ESRRG: variants seen among roughly 807,000 people sequenced by gnomAD.
The protein encoded by ESRRG is estrogen related receptor gamma.
A neutral mutation model predicts 44.0 loss-of-function variants in ESRRG; 13 were observed. The observed-to-expected ratio is 0.30, with a 90% CI of 0.19 to 0.47. The LOEUF is 0.47. ESRRG is among the 20% of genes least tolerant of loss of function. The pLI, the probability that ESRRG is intolerant of heterozygous loss-of-function variation, is 1.00. For missense variants in ESRRG, 395 were observed against 580.6 expected (o/e 0.68, Z 3.29); for synonymous variants, 215 against 214.6 (o/e 1.00, Z -0.02).
intron 2 of ESRRG, among the ~76,000 whole-genome samples, chr1:216,760,240 A>AT (rs550980068): frequency 7.0e-4 from 97 of 138,344 alleles, no homozygotes; most frequent in African/African-American, 2.7e-3. Context: ...CTTAGAATAA[A>AT]TTTTTTTTCT....
At chr1:217,064,003 C>T (rs1288049957) in intron 1 of ESRRG, among the ~76,000 whole-genome samples, 1 of 151,986 alleles carries the variant, frequency 6.6e-6, no homozygotes, top group African/African-American at 2.4e-5. Context: ...CATATAAACA[C>T]ACACAATAAA....
At chr1:216,546,126 T>C (rs528357909) in intron 5 of ESRRG, among the ~76,000 whole-genome samples, 213 of 152,168 alleles carry the variant, frequency 1.4e-3, no homozygotes, top group Non-Finnish European at 2.4e-3. Context: ...GATTGTCCTG[T>C]GCGAGGTAGG....
intron 2 of ESRRG, among the ~76,000 whole-genome samples, chr1:216,821,623 T>G (rs2148617769): frequency 6.8e-6 from 1 of 148,070 alleles, no homozygotes; most frequent in Non-Finnish European, 1.5e-5. Flanking sequence ...AGTTTGAGGT[T>G]GGAATGAGCC....
At chr1:217,132,564 T>A (rs755426986) in intron 1 of ESRRG, among the ~76,000 whole-genome samples, 31 of 152,194 alleles carry the variant, frequency 2.0e-4, no homozygotes, top group Non-Finnish European at 3.7e-4. Flanking sequence ...ATTTAGGAAC[T>A]GTCAAGAGAT....
chr1:217,001,373 A>G (rs1277930083), intron 1 of ESRRG, among the ~76,000 whole-genome samples: 2 of 152,204 alleles, frequency 1.3e-5, no homozygotes, highest in Non-Finnish European at 2.9e-5. Context: ...CACGTGGATG[A>G]TACCAAACTG....
intron 2 of ESRRG, among the ~76,000 whole-genome samples, chr1:216,872,962 A>G (rs1046183635): frequency 6.6e-6 from 1 of 152,134 alleles, no homozygotes; most frequent in African/African-American, 2.4e-5. Flanking sequence ...TTACCAACCA[A>G]TCAAATTGAT....
chr1:216,881,162 G>GT (rs2096440940), intron 2 of ESRRG, among the ~76,000 whole-genome samples: 1 of 152,108 alleles, frequency 6.6e-6, no homozygotes, highest in South Asian at 2.1e-4. Context: ...AAATATTGGA[G>GT]TGAACCAGTT....
At chr1:216,801,452 G>C (rs1384695907) in intron 2 of ESRRG, among the ~76,000 whole-genome samples, 1 of 152,036 alleles carries the variant, frequency 6.6e-6, no homozygotes, top group Non-Finnish European at 1.5e-5. Context: ...GTTAACCACT[G>C]TCTTATTCTT....
intron 2 of ESRRG, among the ~76,000 whole-genome samples, chr1:216,881,039 A>G (rs1013354874): frequency 6.6e-6 from 1 of 152,222 alleles, no homozygotes; most frequent in Non-Finnish European, 1.5e-5. Flanking sequence ...AACACAACAT[A>G]AAAGAAAAAA....
At chr1:216,927,049 T>C (rs1426969464) in intron 2 of ESRRG, among the ~76,000 whole-genome samples, 2 of 152,202 alleles carry the variant, frequency 1.3e-5, no homozygotes, top group Non-Finnish European at 2.9e-5. Flanking sequence ...AAAGACTAGA[T>C]GCTTAGAAAT....
At chr1:217,043,114 A>G (rs1174105115) in intron 1 of ESRRG, among the ~76,000 whole-genome samples, 1 of 152,170 alleles carries the variant, frequency 6.6e-6, no homozygotes, top group Non-Finnish European at 1.5e-5. Context: ...TCACAAACAC[A>G]CACACAAAGA....
chr1:216,567,106 G>A (rs2059808957), intron 4 of ESRRG, among the ~76,000 whole-genome samples: 1 of 152,152 alleles, frequency 6.6e-6, no homozygotes, highest in African/African-American at 2.4e-5. Context: ...ATTTTCCTCT[G>A]ATGAGTGCTG....
At chr1:216,726,902 A>G (rs188567582), upstream of ESRRG, among the ~76,000 whole-genome samples, 8 of 152,354 alleles carry the variant, frequency 5.3e-5, no homozygotes, top group East Asian at 1.3e-3. Flanking sequence ...CAACAGGAAG[A>G]TTCCTCTAGT....
At chr1:216,918,131 A>C (rs1317800359) in intron 2 of ESRRG, among the ~76,000 whole-genome samples, 1 of 152,220 alleles carries the variant, frequency 6.6e-6, no homozygotes, top group Non-Finnish European at 1.5e-5. Context: ...GAAATTTAAA[A>C]TCTACAAAGG....
chr1:216,533,451 C>T (rs1439805633), intron 5 of ESRRG, among the ~76,000 whole-genome samples: 1 of 151,988 alleles, frequency 6.6e-6, no homozygotes, highest in African/African-American at 2.4e-5. Flanking sequence ...CTATAGTAGG[C>T]AGTTAACTGA....
intron 2 of ESRRG, among the ~76,000 whole-genome samples, chr1:216,731,786 T>A (rs2088829799): frequency 6.6e-6 from 1 of 152,238 alleles, no homozygotes; most frequent in Admixed American, 6.5e-5. Flanking sequence ...ATCCTGGGGC[T>A]GTTATCTCAC....
chr1:216,985,005 A>G (rs2074628568), intron 1 of ESRRG, among the ~76,000 whole-genome samples: 2 of 152,218 alleles, frequency 1.3e-5, no homozygotes, highest in Admixed American at 6.5e-5. Flanking sequence ...TGTTATTTCA[A>G]TGGTTTCCTC....
At chr1:216,846,332 G>A (rs2095748573) in intron 2 of ESRRG, among the ~76,000 whole-genome samples, 1 of 151,988 alleles carries the variant, frequency 6.6e-6, no homozygotes, top group Non-Finnish European at 1.5e-5. Context: ...AAATTACTAG[G>A]TTATTTTTAC....
chr1:216,602,959 C>T (rs185404088), intron 3 of ESRRG, among the ~76,000 whole-genome samples: 11 of 152,054 alleles, frequency 7.2e-5, no homozygotes, highest in Admixed American at 6.6e-4. Flanking sequence ...TCTATATAGC[C>T]CCATCTATAT....
Sources: gnomAD v4.1 joint callset for allele counts (sites outside exome capture counted in the v4.1 genomes callset) on GRCh38, gnomAD v4.1.1 for gene constraint, MANE v1.5 for transcripts, NCBI Gene and HGNC (gene_info 2026-07-23, HGNC 2026-07-21) for gene names.